Variants in DCBLD2 observed in about 807,000 individuals in gnomAD.
DCBLD2 encodes discoidin, CUB and LCCL domain-containing protein 2.
DCBLD2 carries 54 observed loss-of-function variants against 86.8 expected under a neutral mutation model. The ratio of observed to expected loss-of-function variants is 0.62; its 90% CI spans 0.50 to 0.78. The LOEUF (loss-of-function observed/expected upper bound fraction) is 0.78, where lower values mean the gene tolerates loss of function less well. Ranked by LOEUF, DCBLD2 falls within the 30% of genes least tolerant of loss-of-function variation. The pLI is 0.00. For synonymous variants in DCBLD2, 354 were observed against 341.3 expected (o/e 1.04, Z -0.41); for missense variants, 908 against 954.2 (o/e 0.95, Z 0.64).
chr3:98,875,711 A>G (rs1943356782), intron 2 of DCBLD2, among the ~76,000 whole-genome samples: 1 of 152,180 alleles, frequency 6.6e-6, no homozygotes, highest in Admixed American at 6.5e-5. Flanking sequence ...GGATAGATAC[A>G]TCTGTGGAGT....
Position 98,798,210 on chromosome 3 carries a change from C to T in DCBLD2, c.*1162G>A, listed in dbSNP as rs895852973. 5 of 152,114 alleles carry T rather than the reference C, an allele frequency of 3.3e-5. No individual in the cohort carries two copies. The highest frequency in any genetic ancestry group is 4.4e-5 in the Non-Finnish European group (3 of 68,018). 9.4% of individuals were successfully genotyped at this position (152,114 alleles called of 1,614,324 possible). On this transcript the variant is annotated 3_prime_UTR_variant, in exon 16 of 16. Transcript: ENST00000326840. The stretch of plus-strand genomic sequence containing the variant: ...TCTTACCACACAAAGTGCACGATCA[C>T]GCAGTCCTGAAAAATACACGTTAGG...
intron 12 of DCBLD2, among the ~76,000 whole-genome samples, chr3:98,809,536 G>C (rs1941900067): frequency 6.6e-6 from 1 of 152,030 alleles, no homozygotes; most frequent in South Asian, 2.1e-4. Flanking sequence ...TAGGTTTGTA[G>C]GCTCCACAAA....
chr3:98,858,255 G>A (rs987394095), intron 2 of DCBLD2, among the ~76,000 whole-genome samples: 23 of 152,218 alleles, frequency 1.5e-4, no homozygotes, highest in Non-Finnish European at 2.6e-4. Context: ...CCCAGAACTC[G>A]CACTGGCCCG....
At chr3:98,876,998 A>G (rs1943384369) in intron 2 of DCBLD2, among the ~76,000 whole-genome samples, 1 of 152,200 alleles carries the variant, frequency 6.6e-6, no homozygotes, top group South Asian at 2.1e-4. Context: ...AGTACGGAAA[A>G]GATAAAACAA....
chr3:98,865,454 G>A (rs892102849), intron 2 of DCBLD2, among the ~76,000 whole-genome samples: 8 of 152,120 alleles, frequency 5.3e-5, no homozygotes, highest in Admixed American at 1.3e-4. Context: ...GGGTTGAAGG[G>A]GGAGTTGGAG....
chr3:98,900,988 G>T (rs1410337297), intron 1 of DCBLD2, 134 bp downstream of exon 1: 6 of 1,451,872 alleles, frequency 4.1e-6, no homozygotes, highest in South Asian at 3.9e-5. Context: ...AACCCCGTGA[G>T]TACCCAGCCA....
intron 3 of DCBLD2, among the ~76,000 whole-genome samples, chr3:98,844,804 G>C (rs1299146312): frequency 6.6e-6 from 1 of 152,196 alleles, no homozygotes; most frequent in Non-Finnish European, 1.5e-5. Flanking sequence ...CAGTATAAAA[G>C]TCCAAGATAC....
At chr3:98,865,460 T>G (rs912884897) in intron 2 of DCBLD2, among the ~76,000 whole-genome samples, 1 of 151,958 alleles carries the variant, frequency 6.6e-6, no homozygotes, top group Non-Finnish European at 1.5e-5. Context: ...AAGGGGGAGT[T>G]GGAGGGATGA....
At chr3:98,877,537 G>T (rs935836392) in intron 2 of DCBLD2, among the ~76,000 whole-genome samples, 2 of 152,078 alleles carry the variant, frequency 1.3e-5, no homozygotes, top group Non-Finnish European at 2.9e-5. Flanking sequence ...AGTATTAAAG[G>T]TATCAGCATA....
At chr3:98,895,596 C>T (rs1943738882) in intron 1 of DCBLD2, among the ~76,000 whole-genome samples, 1 of 152,202 alleles carries the variant, frequency 6.6e-6, no homozygotes, top group East Asian at 1.9e-4. Context: ...ACCACTTTAT[C>T]AGTGAGGCGT....
intron 3 of DCBLD2, among the ~76,000 whole-genome samples, chr3:98,837,041 C>T (rs1181638898): frequency 1.1e-4 from 4 of 38,066 alleles, no homozygotes; most frequent in Admixed American, 2.0e-4. Flanking sequence ...GCTGGCCGGG[C>T]GGGGGGGCTG....
At chr3:98,801,727 C>T (rs1003940876) in intron 13 of DCBLD2, 78 bp from the exon 14 acceptor site, 1 of 1,059,430 alleles carries the variant, frequency 9.4e-7, no homozygotes, top group Admixed American at 2.4e-5. Context: ...CATGACAGGC[C>T]TTGGTATGTG....
intron 3 of DCBLD2, among the ~76,000 whole-genome samples, chr3:98,841,428 C>A (rs967464679): frequency 2.0e-5 from 3 of 152,204 alleles, no homozygotes; most frequent in African/African-American, 7.2e-5. Flanking sequence ...AACTTTGTAA[C>A]TGTTGCATGA....
intron 8 of DCBLD2, among the ~76,000 whole-genome samples, chr3:98,818,375 A>G (rs1204757569): frequency 6.6e-6 from 1 of 152,184 alleles, no homozygotes; most frequent in Non-Finnish European, 1.5e-5. Context: ...CTCCTTTAAC[A>G]TAAATTTCTC....
chr3:98,800,451 T>C, intron 15 of DCBLD2, 128 bp downstream of exon 15: 1 of 1,070,818 alleles, frequency 9.3e-7, no homozygotes, highest in African/African-American at 1.6e-5. Flanking sequence ...AAAGTGGTTC[T>C]ACCTTTAGGA....
intron 13 of DCBLD2, among the ~76,000 whole-genome samples, chr3:98,805,710 A>T (rs1941825636): frequency 6.6e-6 from 1 of 152,174 alleles, no homozygotes; most frequent in Admixed American, 6.5e-5. Flanking sequence ...TCGTGTCCTT[A>T]ACGCCAGGTG....
intron 3 of DCBLD2, among the ~76,000 whole-genome samples, chr3:98,837,872 A>AC (rs1167528081): frequency 0.089 from 9,168 of 103,012 alleles, no homozygotes; most frequent in Admixed American, 0.11. Context: ...CGGGGGGCTG[A>AC]CCCCCCCACC....
At chr3:98,844,034 G>GCACGCACACACA (rs143685510) in intron 3 of DCBLD2, among the ~76,000 whole-genome samples, 4 of 145,526 alleles carry the variant, frequency 2.7e-5, no homozygotes, top group African/African-American at 1.0e-4. Context: ...AATCATGCAT[G>GCACGCACACACA]CACACACACA....
At chr3:98,808,930 A>G (rs1277866772) in intron 12 of DCBLD2, among the ~76,000 whole-genome samples, 1 of 152,210 alleles carries the variant, frequency 6.6e-6, no homozygotes, top group Non-Finnish European at 1.5e-5. Context: ...CAAATGCCCA[A>G]AAATGAGAGG....
Sources: allele counts gnomAD v4.1 joint callset (sites outside exome capture counted in the v4.1 genomes callset), GRCh38; gene constraint gnomAD v4.1.1; transcripts MANE v1.5; gene names NCBI Gene and HGNC (gene_info 2026-07-23, HGNC 2026-07-21).